Variants in BMX observed in about 807,000 individuals in gnomAD.
BMX encodes BMX non-receptor tyrosine kinase.
A neutral mutation model predicts 59.2 loss-of-function variants in BMX; 31 were observed. The observed-to-expected ratio is 0.52, with a 90% confidence interval of 0.39 to 0.71. BMX has a LOEUF of 0.71. BMX is among the 30% of genes least tolerant of loss of function. The pLI is 0.00. For synonymous variants in BMX, 185 were observed against 181.0 expected, an observed-to-expected ratio of 1.02 and a Z score of -0.18; for missense variants, 474 against 491.7, an observed-to-expected ratio of 0.96 and a Z score of 0.34.
intron 1 of BMX, among the ~76,000 whole-genome samples, chrX:15,505,938 T>A (rs936792355): frequency 1.8e-5 from 2 of 111,399 alleles, no homozygotes; most frequent in African/African-American, 6.5e-5. Context: ...TTATTATTAA[T>A]TTTTTTTGGA....
chrX:15,528,268 T>C (rs1306272479), intron 9 of BMX, among the ~76,000 whole-genome samples: 1 of 111,607 alleles, frequency 9.0e-6, no homozygotes. Flanking sequence ...GTCATGGGAG[T>C]TTTTGTTTTA....
intron 4 of BMX, among the ~76,000 whole-genome samples, chrX:15,515,260 T>C (rs750068124): frequency 9.1e-6 from 1 of 110,098 alleles, no homozygotes; most frequent in East Asian, 2.9e-4. Flanking sequence ...ATGGCACATG[T>C]ATCCCTATGT....
Position 15,531,765 on chromosome X carries a change from G to A in BMX, c.1019+358G>A, listed in dbSNP as rs977605931. The stretch of plus-strand genomic sequence containing the variant: ...GAAAGAAAAAAAATAGCAATGGAGC[G>A]TCTATACTCTCAGCCCTAGCCACCT... On this transcript the variant is annotated intron_variant, in intron 11 of 18. Coordinates refer to ENST00000348343, the MANE Select transcript of BMX (RefSeq NM_203281.3). 5.4e-5 allele frequency among the ~76,000 whole-genome samples: 6 copies of A among 111,294 alleles called. No individual in the cohort carries two copies. In the East Asian group the frequency reaches 1.7e-3, roughly 31 times the overall value.
intron 10 of BMX, 29 bp from the exon 11 acceptor site, chrX:15,531,299 A>T: frequency 9.0e-7 from 1 of 1,110,543 alleles, no homozygotes; most frequent in African/African-American, 1.8e-5. Context: ...AATATTTTCT[A>T]TTCCTTCTAT....
chrX:15,552,070 C>T (rs894799233), intron 18 of BMX, among the ~76,000 whole-genome samples: 6 of 112,240 alleles, frequency 5.3e-5, no homozygotes, highest in African/African-American at 1.9e-4. Context: ...CTGTATATGG[C>T]TGCCAATTAG....
intron 9 of BMX, among the ~76,000 whole-genome samples, chrX:15,527,247 A>AAATATAT (rs1569224683): frequency 7.1e-5 from 4 of 56,358 alleles, no homozygotes; most frequent in Admixed American, 2.3e-4. Flanking sequence ...CACACACACA[A>AAATATAT]ATATATATAT....
At chrX:15,545,639 A>G (rs1397056549) in intron 16 of BMX, among the ~76,000 whole-genome samples, 2 of 111,897 alleles carry the variant, frequency 1.8e-5, no homozygotes, top group African/African-American at 6.5e-5. Flanking sequence ...TCATATCAGG[A>G]AGCTGTTGAT....
chrX:15,536,557 C>G, intron 13 of BMX, 130 bp downstream of exon 13: 1 of 477,731 alleles, frequency 2.1e-6, no homozygotes, highest in Non-Finnish European at 3.2e-6. Context: ...CAGATTGTAT[C>G]AGGAAGGATT....
At chrX:15,518,181 A>G (rs1924253576) in intron 6 of BMX, among the ~76,000 whole-genome samples, 188 bp downstream of exon 6, 1 of 110,241 alleles carries the variant, frequency 9.1e-6, no homozygotes, top group African/African-American at 3.3e-5. Flanking sequence ...CCATTGTAAT[A>G]TCTCATATTT....
chrX:15,536,542 CT>C (rs1925358567), intron 13 of BMX, 115 bp downstream of exon 13: 1 of 598,465 alleles, frequency 1.7e-6, no homozygotes, highest in Non-Finnish European at 2.5e-6. Context: ...AAGGAGGCCT[CT>C]GTTCAGATTG....
At chrX:15,525,710 C>T (rs904758140) in intron 8 of BMX, among the ~76,000 whole-genome samples, 1 of 111,992 alleles carries the variant, frequency 8.9e-6, no homozygotes, top group Non-Finnish European at 1.9e-5. Flanking sequence ...TAACTTGATA[C>T]TACAGCCATC....
At position 15,534,277 on chromosome X, in the gene BMX, C is replaced by T. The variant is rs747011166; in HGVS notation, c.1085C>T (p.Ala362Val). The change falls in exon 12 of 19, where the codon GCA becomes GTA. Residue 362 changes from alanine (A) to valine (V), a missense_variant. Coordinates refer to ENST00000348343, the MANE Select transcript of BMX (RefSeq NM_203281.3). ...AATGCTGAGAACAAATTATACCTGG[C>T]AGAAAACTACTGTTTTGATTCCATT... is the stretch of plus-strand genomic sequence containing the variant. ...HTNAENKLYL[A>V]ENYCFDSIPK... 2.7e-5 allele frequency: 32 copies of T among 1,194,565 alleles called. No individual in the cohort carries two copies. The highest frequency in any genetic ancestry group is 3.5e-5 in the African/African-American group (2 of 56,551).
At chrX:15,528,127 T>C (rs772702483) in intron 9 of BMX, among the ~76,000 whole-genome samples, 1 of 112,169 alleles carries the variant, frequency 8.9e-6, no homozygotes, top group South Asian at 3.7e-4. Flanking sequence ...ATTGAGGAAA[T>C]TATCAGGGAA....
intron 18 of BMX, among the ~76,000 whole-genome samples, chrX:15,554,255 C>A (rs1468292544): frequency 1.8e-5 from 2 of 112,232 alleles, no homozygotes; most frequent in Non-Finnish European, 3.8e-5. Flanking sequence ...TTTCTTATAA[C>A]CTCACCAATG....
intron 7 of BMX, among the ~76,000 whole-genome samples, chrX:15,522,858 C>T (rs764679916): frequency 3.2e-4 from 36 of 112,196 alleles, no homozygotes; most frequent in Middle Eastern, 4.6e-3. Context: ...CAAATATCTC[C>T]ACATTCCAGA....
intron 12 of BMX, 73 bp from the exon 13 acceptor site, chrX:15,536,280 T>C (rs1925337163): frequency 1.9e-6 from 2 of 1,056,744 alleles, no homozygotes; most frequent in South Asian, 4.3e-5. Flanking sequence ...AGAGACTAGT[T>C]GTGAACCAAT....
At chrX:15,543,329 T>C (rs774048605) in intron 16 of BMX, among the ~76,000 whole-genome samples, 194 bp downstream of exon 16, 1 of 111,842 alleles carries the variant, frequency 8.9e-6, no homozygotes, top group Non-Finnish European at 1.9e-5. Flanking sequence ...ATCTGATACT[T>C]TCTAAACTTC....
At chrX:15,518,033 A>T (rs770137321) in intron 6 of BMX, 40 bp downstream of exon 6, 14 of 1,087,446 alleles carry the variant, frequency 1.3e-5, no homozygotes, top group Non-Finnish European at 1.8e-5. Context: ...TGGTCAGGAT[A>T]TATTAAATAA....
At chrX:15,507,434 A>G (rs1035269346) in intron 1 of BMX, 1 of 665,437 alleles carries the variant, frequency 1.5e-6, no homozygotes, top group South Asian at 7.8e-5. Flanking sequence ...CAGATTATCA[A>G]TAAAGAAAGA....
Sources: allele counts gnomAD v4.1 joint callset (sites outside exome capture counted in the v4.1 genomes callset), GRCh38; gene constraint gnomAD v4.1.1; transcripts MANE v1.5; gene names NCBI Gene and HGNC (gene_info 2026-07-23, HGNC 2026-07-21).